The following GALNT13 variants were observed in gnomAD, a reference collection of about 807,000 sequenced individuals.
The protein encoded by GALNT13 is UDP-GalNAc:polypeptide N-acetylgalactosaminyltransferase 13.
Under a neutral mutation model 64.2 loss-of-function variants are expected in GALNT13, and 28 were observed. The ratio of observed to expected loss-of-function variants is 0.44; its 90% CI spans 0.32 to 0.60. The LOEUF is 0.60. Among genes scored for constraint, GALNT13 ranks in the 20% least tolerant of loss-of-function variants. The pLI is 0.05. For synonymous variants in GALNT13, 214 were observed against 224.6 expected (o/e 0.95, Z 0.42); for missense variants, 577 against 669.8 (o/e 0.86, Z 1.53).
At chr2:153,300,864 T>A in the GALNT13 span, among the ~76,000 whole-genome samples, 25 of 152,314 alleles carry the variant, frequency 1.6e-4, no homozygotes, top group Admixed American at 1.0e-3. Context: ...CACACTGATA[T>A]TAATTATAAA....
At chr2:154,233,233 G>A (rs1368857025) in intron 4 of GALNT13, among the ~76,000 whole-genome samples, 2 of 152,198 alleles carry the variant, frequency 1.3e-5, no homozygotes, top group South Asian at 4.2e-4. Context: ...AGGCCAAGGT[G>A]GATATTTGTA....
chr2:154,218,368 T>C (rs569522650), intron 4 of GALNT13, among the ~76,000 whole-genome samples: 2 of 152,228 alleles, frequency 1.3e-5, no homozygotes, highest in African/African-American at 4.8e-5. Flanking sequence ...CATTCTCCCA[T>C]TGTTTCAGCC....
intron 2 of GALNT13, among the ~76,000 whole-genome samples, chr2:153,940,260 CT>C (rs35641791): frequency 0.47 from 60,019 of 129,006 alleles, 13,924 homozygotes; most frequent in East Asian, 0.8. Context: ...AAGTTTTTGT[CT>C]TTTTTTTTTT....
intron 3 of GALNT13, among the ~76,000 whole-genome samples, chr2:154,125,815 A>T (rs952297742): frequency 6.6e-6 from 1 of 152,178 alleles, no homozygotes; most frequent in Non-Finnish European, 1.5e-5. Context: ...CTACAGGAAA[A>T]CTAAATTTTA....
chr2:153,570,897 TCCA>T, the GALNT13 span, among the ~76,000 whole-genome samples: 1 of 152,044 alleles, frequency 6.6e-6, no homozygotes, highest in Non-Finnish European at 1.5e-5. Context: ...ATGCCATTCC[TCCA>T]GTTTCGTTTT....
the GALNT13 span, among the ~76,000 whole-genome samples, chr2:153,726,297 G>A: frequency 1.3e-5 from 2 of 151,960 alleles, no homozygotes; most frequent in Non-Finnish European, 2.9e-5. Context: ...AGTCAACGCT[G>A]TCTTTAGTAA....
intron 3 of GALNT13, among the ~76,000 whole-genome samples, chr2:154,126,609 C>T (rs1453111367): frequency 5.6e-5 from 8 of 143,466 alleles, no homozygotes; most frequent in African/African-American, 1.3e-4. Context: ...CACTCCAGCC[C>T]GGACGACAGA....
the GALNT13 span, among the ~76,000 whole-genome samples, chr2:153,101,550 G>T: frequency 1.3e-5 from 2 of 152,146 alleles, no homozygotes; most frequent in South Asian, 2.1e-4. Context: ...GTAATGCACT[G>T]CATTCTAGTC....
At chr2:153,129,082 A>T in the GALNT13 span, among the ~76,000 whole-genome samples, 1 of 152,128 alleles carries the variant, frequency 6.6e-6, no homozygotes, top group Non-Finnish European at 1.5e-5. Context: ...ACATGTTGGG[A>T]ATCCACGAAT....
At chr2:154,031,977 A>G (rs1285350549) in intron 3 of GALNT13, among the ~76,000 whole-genome samples, 1 of 151,970 alleles carries the variant, frequency 6.6e-6, no homozygotes, top group African/African-American at 2.4e-5. Context: ...GCAACTCTTC[A>G]AGGAAAACTT....
the GALNT13 span, among the ~76,000 whole-genome samples, chr2:153,656,610 A>G: frequency 6.6e-6 from 1 of 152,140 alleles, no homozygotes; most frequent in Non-Finnish European, 1.5e-5. Flanking sequence ...TGTAGTCATT[A>G]AACCTCAAGA....
the GALNT13 span, among the ~76,000 whole-genome samples, chr2:153,414,722 T>TA: frequency 2.6e-5 from 4 of 152,110 alleles, no homozygotes; most frequent in Non-Finnish European, 4.4e-5. Context: ...TTTTACAGCT[T>TA]AAAAAAATAC....
the GALNT13 span, among the ~76,000 whole-genome samples, chr2:153,304,778 G>A: frequency 6.6e-6 from 1 of 152,082 alleles, no homozygotes; most frequent in South Asian, 2.1e-4. Context: ...CCAGCCCATC[G>A]GTATTAACCT....
chr2:153,082,186 A>G, the GALNT13 span, among the ~76,000 whole-genome samples: 2 of 152,014 alleles, frequency 1.3e-5, no homozygotes, highest in Non-Finnish European at 2.9e-5. Flanking sequence ...GAGTTTTTGG[A>G]TAACAGGTGG....
intron 2 of GALNT13, among the ~76,000 whole-genome samples, chr2:153,919,726 C>T (rs1408376044): frequency 6.6e-6 from 1 of 151,586 alleles, no homozygotes; most frequent in Non-Finnish European, 1.5e-5. Flanking sequence ...TTTGCTCATC[C>T]TAATATTGAT....
In GALNT13 at chr2:154,180,530, G is replaced by GC. The variant is rs1553490291; in HGVS notation, c.311+40025_311+40026insC. The stretch of plus-strand genomic sequence containing the variant: ...AAGTACCTGTTAAAAAAATAGATTT[G>GC]TTTTTTTCTGATTATAAATGTAATT... On this transcript the variant is annotated intron_variant, in intron 4 of 12. Coordinates refer to ENST00000392825, the MANE Select transcript of GALNT13 (RefSeq NM_052917.4). Among the ~76,000 whole-genome samples the GC allele has an allele frequency of 2.1e-4, 32 of 151,738 alleles. 1 individual carries two copies. In the South Asian group the frequency reaches 6.6e-3, roughly 32 times the overall value.
At chr2:154,019,649 CACACAA>C (rs200043686) in intron 3 of GALNT13, among the ~76,000 whole-genome samples, 4,749 of 127,708 alleles carry the variant, frequency 0.037, 127 homozygotes, top group Non-Finnish European at 0.054. Flanking sequence ...CACACACACA[CACACAA>C]AAGCAAGAAA....
intron 4 of GALNT13, among the ~76,000 whole-genome samples, chr2:154,182,395 A>G (rs1006349123): frequency 2.0e-5 from 3 of 152,134 alleles, no homozygotes; most frequent in African/African-American, 7.2e-5. Flanking sequence ...TGTATTCTAA[A>G]TATCATGATC....
chr2:153,399,245 G>C, the GALNT13 span, among the ~76,000 whole-genome samples: 1 of 151,158 alleles, frequency 6.6e-6, no homozygotes, highest in Non-Finnish European at 1.5e-5. Context: ...GATATGCGGC[G>C]TTATTTCTGA....
Sources: gnomAD v4.1 joint callset for allele counts (sites outside exome capture counted in the v4.1 genomes callset) on GRCh38, gnomAD v4.1.1 for gene constraint, MANE v1.5 for transcripts, NCBI Gene and HGNC (gene_info 2026-07-23, HGNC 2026-07-21) for gene names.